Variants in FYN observed in about 807,000 individuals in gnomAD.
The protein encoded by FYN is FYN proto-oncogene, Src family tyrosine kinase, also known as tyrosine-protein kinase Fyn.
Under a neutral mutation model 70.2 loss-of-function variants are expected in FYN, and 10 were observed. The ratio of observed to expected loss-of-function variants is 0.14; its 90% CI spans 0.09 to 0.24. The LOEUF (loss-of-function observed/expected upper bound fraction) is 0.24, where lower values mean the gene tolerates loss of function less well. FYN is among the 10% of genes least tolerant of loss of function. FYN has a pLI of 1.00. For missense variants in FYN, 319 were observed against 673.1 expected (o/e 0.47, Z 5.82); for synonymous variants, 236 against 248.6 (o/e 0.95, Z 0.48).
At chr6:111,837,581 G>C (rs1035786651) in intron 2 of FYN, among the ~76,000 whole-genome samples, 1 of 152,150 alleles carries the variant, frequency 6.6e-6, no homozygotes, top group Non-Finnish European at 1.5e-5. Flanking sequence ...CCAAAGAAAG[G>C]GGGTACAACA....
At chr6:111,746,447 T>G (rs1281086474) in intron 3 of FYN, among the ~76,000 whole-genome samples, 1 of 152,200 alleles carries the variant, frequency 6.6e-6, no homozygotes, top group Non-Finnish European at 1.5e-5. Flanking sequence ...TGTCTACTTA[T>G]TTTATGTGGC....
chr6:111,819,954 C>T (rs1772606212), intron 2 of FYN: 1 of 152,122 alleles, frequency 6.6e-6, no homozygotes, highest in East Asian at 1.9e-4. Context: ...CTCATCCATC[C>T]CTGACAAAAA....
At chr6:111,841,777 G>T (rs1297739986) in intron 2 of FYN, among the ~76,000 whole-genome samples, 1 of 151,162 alleles carries the variant, frequency 6.6e-6, no homozygotes, top group African/African-American at 2.4e-5. Flanking sequence ...TAGGAAGAGG[G>T]ATTTTTTTTT....
chr6:111,866,504 G>A, intron 1 of FYN, among the ~76,000 whole-genome samples: 1 of 152,202 alleles, frequency 6.6e-6, no homozygotes, highest in East Asian at 1.9e-4. Context: ...ACCACACCGG[G>A]CTAATTTTTG....
intron 3 of FYN, among the ~76,000 whole-genome samples, chr6:111,724,383 G>C (rs1801096896): frequency 6.6e-6 from 1 of 152,130 alleles, no homozygotes; most frequent in Non-Finnish European, 1.5e-5. Flanking sequence ...GATGAGTCTG[G>C]TTGAACATAC....
intron 3 of FYN, among the ~76,000 whole-genome samples, chr6:111,757,983 T>C (rs1166857127): frequency 6.6e-6 from 1 of 152,108 alleles, no homozygotes; most frequent in African/African-American, 2.4e-5. Context: ...AAAAATGAGA[T>C]AAAAGGGTAG....
At chr6:111,822,134 A>C (rs1214312144) in intron 2 of FYN, among the ~76,000 whole-genome samples, 3 of 152,232 alleles carry the variant, frequency 2.0e-5, no homozygotes, top group Admixed American at 6.5e-5. Flanking sequence ...TACTGGGTAT[A>C]TACTCAAAGG....
chr6:111,661,551 C>T lies in FYN; in HGVS notation c.*188G>A, dbSNP rs773091643. Reference sequence around the variant, plus strand: ...ACAAGGTTCTGTCTCGAATGCTTCACAGAGGAGGTTCGGATTTGGGGACAA... The same window carrying T: ...ACAAGGTTCTGTCTCGAATGCTTCATAGAGGAGGTTCGGATTTGGGGACAA... On this transcript the variant is annotated 3_prime_UTR_variant, in exon 14 of 14. Coordinates refer to ENST00000354650, the MANE Select transcript of FYN (RefSeq NM_002037.5). The surrounding 1 kb of genome is among the most constrained non-coding windows in gnomAD (Gnocchi z 4.0). The T allele has an allele frequency of 8.4e-6, 5 of 593,104 alleles. No homozygotes were observed. Among genetic ancestry groups the T allele is most frequent in the African/African-American group, 3.7e-5 (2 of 54,052 alleles). 36.7% of individuals were successfully genotyped at this position (593,104 alleles called of 1,614,324 possible).
At chr6:111,717,158 T>C (rs776830323) in intron 4 of FYN, among the ~76,000 whole-genome samples, 10 of 152,204 alleles carry the variant, frequency 6.6e-5, no homozygotes, top group Non-Finnish European at 1.3e-4. Flanking sequence ...CCATTCAAGA[T>C]AACTCTGTAG....
chr6:111,756,570 C>T (rs1271770596), intron 3 of FYN, among the ~76,000 whole-genome samples: 3 of 151,904 alleles, frequency 2.0e-5, no homozygotes, highest in Non-Finnish European at 4.4e-5. Flanking sequence ...TGTAAAAATC[C>T]TAAATAAAAT....
chr6:111,761,453 G>C (rs958412611), intron 3 of FYN, among the ~76,000 whole-genome samples: 1 of 152,208 alleles, frequency 6.6e-6, no homozygotes, highest in Non-Finnish European at 1.5e-5. Context: ...GTGGTCTAGT[G>C]AAAGGAGAAC....
intron 2 of FYN, among the ~76,000 whole-genome samples, chr6:111,786,518 G>A (rs1262571818): frequency 6.6e-6 from 1 of 152,196 alleles, no homozygotes; most frequent in African/African-American, 2.4e-5. Flanking sequence ...CGCAATATGT[G>A]TGCATGTATC....
intron 3 of FYN, among the ~76,000 whole-genome samples, chr6:111,720,761 A>G (rs1287907138): frequency 6.6e-6 from 1 of 152,190 alleles, no homozygotes; most frequent in Non-Finnish European, 1.5e-5. Flanking sequence ...TCAAATTTCC[A>G]TTAGCTTTTG....
chr6:111,751,316 C>T (rs1441111572), intron 3 of FYN, among the ~76,000 whole-genome samples: 2 of 152,190 alleles, frequency 1.3e-5, no homozygotes, highest in African/African-American at 4.8e-5. Flanking sequence ...AGGTTGACAA[C>T]ATCATGTTTA....
intron 3 of FYN, among the ~76,000 whole-genome samples, chr6:111,725,949 T>C (rs936941425): frequency 1.3e-5 from 2 of 152,196 alleles, no homozygotes; most frequent in Non-Finnish European, 1.5e-5. Flanking sequence ...GTGAACGGTA[T>C]GCCAGTTCCT....
chr6:111,789,885 A>G (rs907692612), intron 2 of FYN, among the ~76,000 whole-genome samples: 2 of 152,156 alleles, frequency 1.3e-5, no homozygotes, highest in African/African-American at 2.4e-5. Context: ...AGTCCCTCCA[A>G]GTAGACATTC....
intron 2 of FYN, among the ~76,000 whole-genome samples, chr6:111,798,811 G>A (rs1484838912): frequency 1.3e-5 from 2 of 152,218 alleles, no homozygotes; most frequent in Middle Eastern, 3.2e-3. Context: ...TATCTATACA[G>A]TGCCAGATGG....
At chr6:111,714,817 C>G in intron 4 of FYN, among the ~76,000 whole-genome samples, 1 of 152,360 alleles carries the variant, frequency 6.6e-6, no homozygotes, top group East Asian at 1.9e-4. Flanking sequence ...CTGGTCGTAT[C>G]TTCTCCTCCA....
At chr6:111,740,812 G>C (rs534928436) in intron 3 of FYN, among the ~76,000 whole-genome samples, 9 of 152,268 alleles carry the variant, frequency 5.9e-5, no homozygotes, top group African/African-American at 2.2e-4. Context: ...CACACAGCTG[G>C]CTCCTTCTCA....
Sources: gnomAD v4.1 joint callset for allele counts (sites outside exome capture counted in the v4.1 genomes callset) on GRCh38, gnomAD v4.1.1 for gene constraint, Gnocchi (gnomAD v3.1) non-coding constraint, MANE v1.5 for transcripts, NCBI Gene and HGNC (gene_info 2026-07-23, HGNC 2026-07-21) for gene names.